MMS22L: variants seen among roughly 807,000 people sequenced by gnomAD.
MMS22L encodes MMS22 like, DNA repair protein.
A neutral mutation model predicts 159.1 loss-of-function variants in MMS22L; 74 were observed. The observed-to-expected ratio is 0.47, with a 90% confidence interval of 0.39 to 0.56. MMS22L has a LOEUF of 0.56. Among genes scored for constraint, MMS22L ranks in the 20% least tolerant of loss-of-function variants. The pLI, the probability that MMS22L is intolerant of heterozygous loss-of-function variation, is 0.00. For synonymous variants in MMS22L, 517 were observed against 506.9 expected (o/e 1.02, Z -0.27); for missense variants, 1,351 against 1,422.1 (o/e 0.95, Z 0.80).
Position 97,214,750 on chromosome 6 carries a change from CCTT to C in MMS22L, c.2039+14141_2039+14143del, listed in dbSNP as rs548636559. ...ACATTTTTCTTCCATCCCACCTCCT[CCTT>C]AAGAGAGAGATTTATGCAGCATAAG... On this transcript the variant is annotated intron_variant, in intron 14 of 24. Transcript: ENST00000683635. Among the ~76,000 whole-genome samples the C allele has an allele frequency of 3.0e-4, 44 of 147,170 alleles. No homozygotes were observed. The East Asian group carries it at 3.2e-3, about 11-fold the overall frequency.
intron 10 of MMS22L, among the ~76,000 whole-genome samples, chr6:97,247,029 G>GC: frequency 6.9e-6 from 1 of 144,412 alleles, no homozygotes. Context: ...TTTGGTGTTT[G>GC]TTTTTTTTTT....
chr6:97,280,336 G>A (rs960593569), intron 3 of MMS22L, among the ~76,000 whole-genome samples: 1 of 151,842 alleles, frequency 6.6e-6, no homozygotes, highest in East Asian at 1.9e-4. Flanking sequence ...TATTAATTGA[G>A]ATGAGTTTTT....
intron 15 of MMS22L, among the ~76,000 whole-genome samples, chr6:97,184,900 C>T (rs1805067671): frequency 6.6e-6 from 1 of 152,156 alleles, no homozygotes; most frequent in South Asian, 2.1e-4. Flanking sequence ...TTTATAACCA[C>T]TTACAAGGCA....
intron 14 of MMS22L, among the ~76,000 whole-genome samples, chr6:97,202,418 C>T (rs949282838): frequency 1.3e-5 from 2 of 152,136 alleles, no homozygotes; most frequent in South Asian, 2.1e-4. Flanking sequence ...CTGCGAAGAT[C>T]GCTGCAACAC....
At chr6:97,262,657 C>CAAAAA (rs71012591) in intron 9 of MMS22L, among the ~76,000 whole-genome samples, 1 of 106,064 alleles carries the variant, frequency 9.4e-6, no homozygotes, top group Non-Finnish European at 1.8e-5. Flanking sequence ...AAGACTGCCT[C>CAAAAA]AAAAAAAAAA....
chr6:97,145,530 T>G lies in MMS22L; in HGVS notation c.*1276A>C, dbSNP rs1462807244. 1.3e-5 allele frequency: 2 copies of G among 152,212 alleles called. No homozygotes were observed. The highest frequency in any genetic ancestry group is 2.9e-5 in the Non-Finnish European group (2 of 68,026). The allele number at this position is 152,212 out of a possible 1,614,324, so 9.4% of individuals were successfully genotyped here. A position where few individuals can be genotyped will look rare whatever the true frequency, so the allele number is the denominator to read the frequency against. On this transcript the variant is annotated 3_prime_UTR_variant, in exon 25 of 25. Transcript: ENST00000683635. ...ACATTGGAAAGTGGGATCATTCATC[T>G]GGGACATATCATTAGAGAAAGATAA...
At chr6:97,249,711 C>T (rs192708836) in intron 10 of MMS22L, among the ~76,000 whole-genome samples, 3 of 147,832 alleles carry the variant, frequency 2.0e-5, no homozygotes, top group South Asian at 2.1e-4. Context: ...TATTATAACA[C>T]GTACCAATAA....
At chr6:97,225,753 T>C (rs1324709861) in intron 14 of MMS22L, among the ~76,000 whole-genome samples, 1 of 152,044 alleles carries the variant, frequency 6.6e-6, no homozygotes, top group African/African-American at 2.4e-5. Flanking sequence ...TTTGTATTTG[T>C]AGTAGAGACG....
At chr6:97,182,894 C>T (rs1267034566) in intron 15 of MMS22L, among the ~76,000 whole-genome samples, 1 of 152,148 alleles carries the variant, frequency 6.6e-6, no homozygotes, top group African/African-American at 2.4e-5. Context: ...TTCACCTCCT[C>T]CTCTCATTCT....
chr6:97,271,938 T>C (rs1008108780), intron 6 of MMS22L: 5 of 152,182 alleles, frequency 3.3e-5, no homozygotes. Context: ...ACCCAAAGTG[T>C]TGGGATTACA....
Position 97,233,915 on chromosome 6 carries a change from C to T in MMS22L, c.1248G>A (p.Trp416Ter). Reference sequence around the variant, plus strand: ...TGGTAACAATTGCAATGTTTGGCTCCCAGAAATCACAAAGTGTCAAACAAC... The same window carrying T: ...TGGTAACAATTGCAATGTTTGGCTCTCAGAAATCACAAAGTGTCAAACAAC... The part of the protein sequence containing the change: ...LHCCLTLCDF[W>*]EPNIAIVTIL... Residue 416 changes from tryptophan (W) to a stop codon, truncating the protein, a stop_gained, in exon 12 of 25, where the codon TGG becomes TGA. Transcript: ENST00000683635. LOFTEE classifies it high-confidence loss of function. 6.2e-7 allele frequency: 1 copy of T among 1,611,778 alleles called. No individual in the cohort carries two copies. Among genetic ancestry groups the T allele is most frequent in the Non-Finnish European group, 8.5e-7 (1 of 1,178,878 alleles).
rs34856577 is a variant in MMS22L at position 97,144,105 on chromosome 6, CA to C, written c.*2700del. 8,193 of 87,564 alleles carry C rather than the reference CA, an allele frequency of 0.094. 264 individuals are homozygous for C. The highest frequency in any genetic ancestry group is 0.12 in the Non-Finnish European group (5,742 of 46,160). The allele number at this position is 87,564 out of a possible 1,614,324, so 5.4% of individuals were successfully genotyped here. On this transcript the variant is annotated 3_prime_UTR_variant, in exon 25 of 25. Coordinates refer to ENST00000683635, the MANE Select transcript of MMS22L (RefSeq NM_001350599.2). Reference sequence around the variant, plus strand: ...CTCAAAACAACAACAACAACAACAACAAAAAAAAAAAAAAAAAAAAAAAGAG... The same window carrying C: ...CTCAAAACAACAACAACAACAACAACAAAAAAAAAAAAAAAAAAAAAAGAG...
intron 14 of MMS22L, among the ~76,000 whole-genome samples, chr6:97,224,157 A>G (rs1385740590): frequency 2.0e-5 from 3 of 152,134 alleles, no homozygotes; most frequent in Middle Eastern, 3.4e-3. Flanking sequence ...ACCTACTCAC[A>G]CTCCAGAGGA....
Position 97,281,223 on chromosome 6 carries a change from T to C in MMS22L, c.290+14A>G. The C allele has an allele frequency of 6.3e-7, 1 of 1,598,390 alleles. No homozygotes were observed. Among genetic ancestry groups the C allele is most frequent in the Non-Finnish European group, 8.5e-7 (1 of 1,175,460 alleles). ...CAACACCTACACTCACAGAAAGTTA[T>C]AACGAAGAAATACCTGAATAAATGA... On this transcript the variant is annotated intron_variant, in intron 3 of 24. Coordinates refer to ENST00000683635, the MANE Select transcript of MMS22L (RefSeq NM_001350599.2).
At chr6:97,212,377 C>T (rs2127948726) in intron 14 of MMS22L, among the ~76,000 whole-genome samples, 1 of 152,242 alleles carries the variant, frequency 6.6e-6, no homozygotes, top group Non-Finnish European at 1.5e-5. Context: ...GTACTTAAAG[C>T]ATAAATAGTA....
At chr6:97,247,861 A>C (rs1812833946) in intron 10 of MMS22L, among the ~76,000 whole-genome samples, 2 of 152,234 alleles carry the variant, frequency 1.3e-5, no homozygotes, top group Admixed American at 1.3e-4. Flanking sequence ...AATGATCAAT[A>C]AAGTGTTAAA....
At chr6:97,225,496 A>T (rs1810133312) in intron 14 of MMS22L, among the ~76,000 whole-genome samples, 1 of 151,712 alleles carries the variant, frequency 6.6e-6, no homozygotes, top group Non-Finnish European at 1.5e-5. Flanking sequence ...GATTACAGGC[A>T]CACACCACCA....
At chr6:97,266,949 G>A (rs1226019155) in intron 8 of MMS22L, 4 of 152,062 alleles carry the variant, frequency 2.6e-5, no homozygotes, top group African/African-American at 9.7e-5. Context: ...GTACTATATT[G>A]TATTCTTGAA....
At position 97,282,407 on chromosome 6, in the gene MMS22L, C is replaced by T; in HGVS notation, c.71G>A (p.Cys24Tyr). The T allele has an allele frequency of 6.2e-7, 1 of 1,614,094 alleles. No individual in the cohort carries two copies. Among genetic ancestry groups the T allele is most frequent in the South Asian group, 1.1e-5 (1 of 91,078 alleles). ...SLELELGTEW[C>Y]KPPYFSCAVD... is the part of the protein sequence containing the mutation. ...AGCACAAGAAAAGTAAGGAGGTTTG[C>T]ACCATTCCGTCCCCAGCTCCAGCTC... The change falls in exon 2 of 25, where the codon TGC becomes TAC. Residue 24 changes from cysteine (C) to tyrosine (Y), a missense_variant. Coordinates refer to ENST00000683635, the MANE Select transcript of MMS22L (RefSeq NM_001350599.2).
Sources: allele counts gnomAD v4.1 joint callset (sites outside exome capture counted in the v4.1 genomes callset), GRCh38; gene constraint gnomAD v4.1.1; transcripts MANE v1.5; gene names NCBI Gene and HGNC (gene_info 2026-07-23, HGNC 2026-07-21).